NLGN1: variants seen among roughly 807,000 people sequenced by gnomAD.
The protein encoded by NLGN1 is neuroligin-1.
Under a neutral mutation model 65.5 loss-of-function variants are expected in NLGN1, and 12 were observed. The observed-to-expected ratio is 0.18, with a 90% CI of 0.12 to 0.30. NLGN1 has a LOEUF of 0.30. Ranked by LOEUF, NLGN1 falls within the 10% of genes least tolerant of loss-of-function variation. NLGN1 has a pLI of 1.00. For synonymous variants in NLGN1, 350 were observed against 359.5 expected (o/e 0.97, Z 0.30); for missense variants, 750 against 1,007.1 (o/e 0.74, Z 3.46).
intron 4 of NLGN1, among the ~76,000 whole-genome samples, chr3:173,965,729 A>C (rs1453664480): frequency 6.6e-6 from 1 of 152,104 alleles, no homozygotes; most frequent in Non-Finnish European, 1.5e-5. Flanking sequence ...TCAGTATCCA[A>C]ATTTTTAAGA....
intron 4 of NLGN1, among the ~76,000 whole-genome samples, chr3:173,991,402 G>A (rs982365029): frequency 1.3e-5 from 2 of 152,040 alleles, no homozygotes; most frequent in Non-Finnish European, 2.9e-5. Context: ...AACATTGTGT[G>A]ACAAATTTTA....
chr3:173,901,400 C>T (rs1177538077), intron 4 of NLGN1, among the ~76,000 whole-genome samples: 2 of 148,586 alleles, frequency 1.3e-5, no homozygotes, highest in Admixed American at 7.1e-5. Context: ...AAAACAGTGG[C>T]TTGGCATTTC....
chr3:173,416,184 C>T (rs148670961), intron 1 of NLGN1, among the ~76,000 whole-genome samples: 3,524 of 152,232 alleles, frequency 0.023, 62 homozygotes, highest in Admixed American at 0.038. Flanking sequence ...GATTACACCA[C>T]CAAAGGAGTG....
At chr3:173,397,417 C>G (rs76623340), upstream of NLGN1, among the ~76,000 whole-genome samples, 1 of 151,886 alleles carries the variant, frequency 6.6e-6, no homozygotes, top group East Asian at 1.9e-4. Flanking sequence ...TGGGAACTTC[C>G]CCTCATTTCT....
intron 2 of NLGN1, among the ~76,000 whole-genome samples, chr3:173,543,748 T>C (rs1299624234): frequency 6.6e-6 from 1 of 152,140 alleles, no homozygotes; most frequent in African/African-American, 2.4e-5. Flanking sequence ...TCTAAATCTG[T>C]GCTAGTCAGT....
chr3:173,970,624 C>G (rs1426048869), intron 4 of NLGN1, among the ~76,000 whole-genome samples: 1 of 152,084 alleles, frequency 6.6e-6, no homozygotes, highest in African/African-American at 2.4e-5. Context: ...GATTCCAGAG[C>G]TATTAGAAGA....
chr3:173,654,634 G>A (rs1238362795), intron 3 of NLGN1, among the ~76,000 whole-genome samples: 2 of 152,094 alleles, frequency 1.3e-5, no homozygotes, highest in East Asian at 3.9e-4. Context: ...TATGTTTAAT[G>A]TAGTGACTCT....
intron 4 of NLGN1, among the ~76,000 whole-genome samples, chr3:173,845,812 A>ATCTT (rs1725670958): frequency 6.6e-6 from 1 of 152,158 alleles, no homozygotes; most frequent in Non-Finnish European, 1.5e-5. Flanking sequence ...CTTGACTCTT[A>ATCTT]GATTTTTTTC....
At chr3:173,774,642 G>A (rs1780038025) in intron 3 of NLGN1, among the ~76,000 whole-genome samples, 1 of 152,080 alleles carries the variant, frequency 6.6e-6, no homozygotes, top group Admixed American at 6.6e-5. Flanking sequence ...TACCTTTTGT[G>A]TTAATTTTCT....
At chr3:174,167,903 A>T (rs775018680) in intron 4 of NLGN1, among the ~76,000 whole-genome samples, 51 of 151,474 alleles carry the variant, frequency 3.4e-4, no homozygotes, top group Non-Finnish European at 6.0e-4. Flanking sequence ...CAGTTTAAAA[A>T]TTTTTTTTTA....
rs767355444 is a variant in NLGN1, at chr3:173,998,620, C to T, written c.646+190788C>T. On this transcript the variant is annotated intron_variant, in intron 4 of 6. Transcript: ENST00000457714. ...AGTTGTTTCAGTCTTCAAAACATTGCCATGTGTTAAGAATTAAGTCTACTT... is the reference window on the plus strand; with the variant it reads ...AGTTGTTTCAGTCTTCAAAACATTGTCATGTGTTAAGAATTAAGTCTACTT... 6.6e-5 allele frequency among the ~76,000 whole-genome samples: 10 copies of T among 152,130 alleles called. No individual in the cohort carries two copies. In the East Asian group the frequency reaches 9.6e-4, roughly 15 times the overall value.
intron 4 of NLGN1, among the ~76,000 whole-genome samples, chr3:173,875,125 C>T (rs1033499823): frequency 3.3e-5 from 5 of 152,224 alleles, no homozygotes; most frequent in East Asian, 3.9e-4. Context: ...TCTTCACTTC[C>T]TGTCAGACTT....
chr3:173,402,384 G>C (rs556041828), intron 1 of NLGN1, among the ~76,000 whole-genome samples: 1 of 151,918 alleles, frequency 6.6e-6, no homozygotes, highest in Non-Finnish European at 1.5e-5. Context: ...CTGTAAGTTC[G>C]TTGAATGCAA....
chr3:173,656,059 C>T (rs112212144), intron 3 of NLGN1, among the ~76,000 whole-genome samples: 3,159 of 152,172 alleles, frequency 0.021, 120 homozygotes, highest in African/African-American at 0.072. Context: ...ACTTGATGTA[C>T]ACCCTATGTA....
intron 3 of NLGN1, among the ~76,000 whole-genome samples, chr3:173,756,241 A>C (rs899056157): frequency 6.6e-6 from 1 of 151,908 alleles, no homozygotes; most frequent in Non-Finnish European, 1.5e-5. Context: ...AAAAATGATA[A>C]AAACATAAAA....
At chr3:173,563,509 A>C (rs895348234) in intron 2 of NLGN1, among the ~76,000 whole-genome samples, 1 of 152,236 alleles carries the variant, frequency 6.6e-6, no homozygotes. Context: ...AAATGTAAGA[A>C]AGCAACAACT....
intron 2 of NLGN1, among the ~76,000 whole-genome samples, chr3:173,481,754 A>C (rs1368342112): frequency 6.6e-6 from 1 of 151,452 alleles, no homozygotes; most frequent in African/African-American, 2.4e-5. Context: ...TTTTTAAAAA[A>C]CAAACAAATT....
chr3:173,866,155 T>C (rs1381180076), intron 4 of NLGN1, among the ~76,000 whole-genome samples: 1 of 152,188 alleles, frequency 6.6e-6, no homozygotes, highest in Non-Finnish European at 1.5e-5. Flanking sequence ...AAAGAATGTA[T>C]TTGTGAATTG....
intron 4 of NLGN1, among the ~76,000 whole-genome samples, chr3:174,027,389 G>A (rs1729061198): frequency 6.6e-6 from 1 of 152,096 alleles, no homozygotes; most frequent in African/African-American, 2.4e-5. Context: ...TTGAGCTCTG[G>A]AACTCTAACC....
Sources: gnomAD v4.1 joint callset for allele counts (sites outside exome capture counted in the v4.1 genomes callset) on GRCh38, gnomAD v4.1.1 for gene constraint, MANE v1.5 for transcripts, NCBI Gene and HGNC (gene_info 2026-07-23, HGNC 2026-07-21) for gene names.